Variants in HLCS observed in about 807,000 individuals in gnomAD.
HLCS encodes the protein holocarboxylase synthetase.
HLCS carries 53 observed loss-of-function variants against 75.0 expected under a neutral mutation model. That is an observed-to-expected ratio of 0.71 (90% CI 0.57 to 0.89). The LOEUF (loss-of-function observed/expected upper bound fraction) is 0.89, where lower values mean the gene tolerates loss of function less well. Among genes scored for constraint, HLCS ranks in the 40% least tolerant of loss-of-function variants. The pLI is 0.00. For synonymous variants in HLCS, 431 were observed against 428.6 expected (o/e 1.01, Z -0.07); for missense variants, 966 against 1,074.0 (o/e 0.90, Z 1.41).
intron 6 of HLCS, among the ~76,000 whole-genome samples, chr21:36,811,791 T>C (rs2061518062): frequency 2.0e-5 from 3 of 152,352 alleles, no homozygotes; most frequent in Middle Eastern, 3.4e-3. Context: ...TGACCTCACC[T>C]GCTATTGAAC....
At chr21:36,783,708 G>A (rs777173982) in intron 6 of HLCS, among the ~76,000 whole-genome samples, 1 of 152,132 alleles carries the variant, frequency 6.6e-6, no homozygotes, top group Non-Finnish European at 1.5e-5. Context: ...CTTCATTCGC[G>A]ATCACCAGAT....
chr21:36,778,234 G>A (rs1179535421), intron 6 of HLCS, among the ~76,000 whole-genome samples: 1 of 152,018 alleles, frequency 6.6e-6, no homozygotes, highest in Non-Finnish European at 1.5e-5. Context: ...CTCCCAAAGT[G>A]CTGGGATTAC....
intron 6 of HLCS, among the ~76,000 whole-genome samples, chr21:36,877,323 C>T (rs2064022036): frequency 6.6e-6 from 1 of 151,590 alleles, no homozygotes; most frequent in South Asian, 2.1e-4. Flanking sequence ...GTGTGTGTTT[C>T]TAGTCCTCTT....
At chr21:36,957,747 G>C (rs1569247865) in intron 2 of HLCS, among the ~76,000 whole-genome samples, 1 of 150,288 alleles carries the variant, frequency 6.7e-6, no homozygotes, top group Non-Finnish European at 1.5e-5. Context: ...GACTAACATG[G>C]TGAAACCCCG....
At chr21:36,758,588 C>T (rs572159598) in intron 9 of HLCS, among the ~76,000 whole-genome samples, 5 of 152,254 alleles carry the variant, frequency 3.3e-5, no homozygotes, top group African/African-American at 9.6e-5. Context: ...TCGCTTACCC[C>T]ACGCTGATAA....
chr21:36,846,486 G>C (rs1050457214), intron 6 of HLCS, among the ~76,000 whole-genome samples: 7 of 151,862 alleles, frequency 4.6e-5, no homozygotes, highest in Admixed American at 1.3e-4. Context: ...GTTTATTTTC[G>C]GGGGGAGGTA....
At chr21:36,828,093 GT>G (rs748317089) in intron 6 of HLCS, among the ~76,000 whole-genome samples, 6 of 152,144 alleles carry the variant, frequency 3.9e-5, no homozygotes, top group Non-Finnish European at 8.8e-5. Flanking sequence ...GATTACAGGT[GT>G]GAGCCACCAT....
intron 5 of HLCS, among the ~76,000 whole-genome samples, chr21:36,929,088 G>T (rs1336152463): frequency 6.6e-6 from 1 of 152,210 alleles, no homozygotes; most frequent in African/African-American, 2.4e-5. Context: ...GAAATGCCAA[G>T]AGTTCCAAAC....
chr21:36,908,175 A>G (rs150706610), intron 5 of HLCS, among the ~76,000 whole-genome samples: 9 of 152,228 alleles, frequency 5.9e-5, no homozygotes, highest in Non-Finnish European at 8.8e-5. Context: ...GCTTGAGCCC[A>G]GGAATCTGAG....
chr21:36,756,553 G>A lies in HLCS; in HGVS notation c.2439C>T (p.Tyr813=). The A allele has an allele frequency of 1.2e-6, 2 of 1,605,432 alleles. No individual in the cohort carries two copies. The highest frequency in any genetic ancestry group is 1.3e-5 in the African/African-American group (1 of 74,642). The change falls in exon 10 of 11, where the codon TAC becomes TAT. Residue 813 remains tyrosine, a synonymous_variant. Coordinates refer to ENST00000674895, the MANE Select transcript of HLCS (RefSeq NM_001352514.2). The stretch of plus-strand genomic sequence containing the variant: ...GAGCCAGCACTGACCTGTGGACCCA[G>A]TATCGGTAATAAAGGGGAAGGACGC... ...PNSVLPLYYR[Y]WVHSGQQVHL...
At chr21:36,866,455 A>C (rs1025805272) in intron 6 of HLCS, among the ~76,000 whole-genome samples, 1 of 152,236 alleles carries the variant, frequency 6.6e-6, no homozygotes, top group Non-Finnish European at 1.5e-5. Context: ...ACTGGTGTAA[A>C]AATGAGATGG....
Position 36,797,941 on chromosome 21 carries a change from C to A in HLCS, c.1893-30656G>T, listed in dbSNP as rs76410525. Among the ~76,000 whole-genome samples, 269 of 152,178 alleles carry A rather than the reference C, an allele frequency of 1.8e-3. 7 individuals are homozygous for A. In the East Asian group the frequency reaches 0.049, roughly 28 times the overall value. ...CTGGCAGGAGGAGTCAGACACTCAA[C>A]AAATATGCAAATACAGACACAAATA... On this transcript the variant is annotated intron_variant, in intron 6 of 10. Coordinates refer to ENST00000674895, the MANE Select transcript of HLCS (RefSeq NM_001352514.2).
chr21:36,943,237 G>C (rs1601826298), intron 2 of HLCS: 1 of 152,166 alleles, frequency 6.6e-6, no homozygotes. Flanking sequence ...AAGATAACTG[G>C]ACCTGAACAT....
At chr21:36,965,424 A>G (rs932629697) in intron 1 of HLCS, among the ~76,000 whole-genome samples, 1 of 152,224 alleles carries the variant, frequency 6.6e-6, no homozygotes, top group African/African-American at 2.4e-5. Context: ...AGCTGAATGG[A>G]AAGATCTATT....
At chr21:36,781,863 T>G (rs934913398) in intron 6 of HLCS, among the ~76,000 whole-genome samples, 4 of 152,212 alleles carry the variant, frequency 2.6e-5, no homozygotes, top group Admixed American at 6.5e-5. Flanking sequence ...CACTAAGTCC[T>G]ATTTTTGGAA....
intron 6 of HLCS, among the ~76,000 whole-genome samples, chr21:36,774,654 C>T (rs1035807365): frequency 3.3e-5 from 5 of 152,138 alleles, no homozygotes; most frequent in Non-Finnish European, 5.9e-5. Context: ...CGTGATGCCT[C>T]TCCTCTCTGT....
At chr21:36,977,127 C>T (rs2068958860) in intron 1 of HLCS, among the ~76,000 whole-genome samples, 1 of 151,960 alleles carries the variant, frequency 6.6e-6, no homozygotes, top group African/African-American at 2.4e-5. Context: ...AGCTCTTTTA[C>T]CTAGTTGACC....
chr21:36,867,643 C>T (rs2063603757), intron 6 of HLCS, among the ~76,000 whole-genome samples: 1 of 152,198 alleles, frequency 6.6e-6, no homozygotes. Context: ...CCTAGAAAGT[C>T]ACATGTTAAA....
At chr21:36,793,012 T>G (rs2060915645) in intron 6 of HLCS, among the ~76,000 whole-genome samples, 1 of 152,208 alleles carries the variant, frequency 6.6e-6, no homozygotes, top group South Asian at 2.1e-4. Flanking sequence ...TCAGCATCCT[T>G]GGGGGCAGCT....
Sources: gnomAD v4.1 joint callset for allele counts (sites outside exome capture counted in the v4.1 genomes callset) on GRCh38, gnomAD v4.1.1 for gene constraint, MANE v1.5 for transcripts, NCBI Gene and HGNC (gene_info 2026-07-23, HGNC 2026-07-21) for gene names.